The following SAMD3 variants were observed in gnomAD, a reference collection of about 807,000 sequenced individuals.
SAMD3 encodes the protein sterile alpha motif domain-containing protein 3.
A neutral mutation model predicts 58.5 loss-of-function variants in SAMD3; 63 were observed. The observed-to-expected ratio is 1.08, with a 90% CI of 0.88 to 1.33. The LOEUF (loss-of-function observed/expected upper bound fraction) is 1.33. SAMD3 is among the 40% of genes most tolerant of loss of function. The pLI is 0.00. For synonymous variants in SAMD3, 220 were observed against 210.3 expected, an observed-to-expected ratio of 1.05 and a Z score of -0.40; for missense variants, 604 against 608.4, an observed-to-expected ratio of 0.99 and a Z score of 0.08.
At chr6:130,252,130 C>T (rs1773759357) in intron 2 of SAMD3, among the ~76,000 whole-genome samples, 1 of 151,740 alleles carries the variant, frequency 6.6e-6, no homozygotes, top group South Asian at 2.1e-4. Flanking sequence ...ACATTTTGAC[C>T]CTTTCATTAT....
intron 1 of SAMD3, among the ~76,000 whole-genome samples, chr6:130,344,719 C>T (rs1276803337): frequency 6.7e-6 from 1 of 149,818 alleles, no homozygotes; most frequent in African/African-American, 2.5e-5. Context: ...GAATCCTTTG[C>T]TGCAGATGCC....
At chr6:130,145,215 G>A (rs541726772) in intron 11 of SAMD3, 125 bp downstream of exon 11, 13 of 473,372 alleles carry the variant, frequency 2.7e-5, no homozygotes, top group East Asian at 7.0e-5. Context: ...CCAAGATCAC[G>A]CCATTGTACT....
In SAMD3 at chr6:130,327,636, TTAAAG is replaced by T. The variant is rs776357087; in HGVS notation, c.-303-14548_-303-14544del. 1.2e-4 allele frequency among the ~76,000 whole-genome samples: 18 copies of T among 152,208 alleles called. 1 individual carries two copies. The highest frequency in any genetic ancestry group is 2.4e-4 in the Non-Finnish European group (16 of 68,026). On this transcript the variant is annotated intron_variant, in intron 1 of 13. Coordinates refer to the SAMD3 transcript ENST00000368134. ...TTGGCATGAAGCCTTACTAAGTTGA[TTAAAG>T]TAGAGACTCACTAAATTGACAGCTG... is the stretch of plus-strand genomic sequence containing the variant.
intron 9 of SAMD3, among the ~76,000 whole-genome samples, chr6:130,153,666 T>TATATATATATATATA (rs58896049): frequency 0.019 from 1,700 of 90,610 alleles, 41 homozygotes; most frequent in African/African-American, 0.029. Flanking sequence ...ATATATATAT[T>TATATATATATATATA]TATTTATTTA....
intron 2 of SAMD3, among the ~76,000 whole-genome samples, chr6:130,311,413 G>C (rs1583085864): frequency 2.6e-5 from 4 of 152,330 alleles, no homozygotes; most frequent in Admixed American, 2.6e-4. Context: ...CGCTGTTGCA[G>C]ACACTCTCAT....
intron 1 of SAMD3, among the ~76,000 whole-genome samples, chr6:130,350,490 A>C (rs990781067): frequency 3.3e-5 from 5 of 152,172 alleles, no homozygotes; most frequent in Admixed American, 2.6e-4. Context: ...AAAGAGAATA[A>C]AATACCTAGG....
At chr6:130,229,769 T>G (rs1194393293) in intron 2 of SAMD3, among the ~76,000 whole-genome samples, 3 of 152,204 alleles carry the variant, frequency 2.0e-5, no homozygotes, top group Non-Finnish European at 4.4e-5. Context: ...TAGCGCTTAG[T>G]GCTACGTTTG....
At chr6:130,250,116 G>A (rs1328456169) in intron 2 of SAMD3, among the ~76,000 whole-genome samples, 1 of 152,172 alleles carries the variant, frequency 6.6e-6, no homozygotes, top group Non-Finnish European at 1.5e-5. Context: ...AGCTATGGGT[G>A]TAGACTGGAA....
At chr6:130,331,918 C>T (rs1056370877) in intron 1 of SAMD3, among the ~76,000 whole-genome samples, 3 of 152,156 alleles carry the variant, frequency 2.0e-5, no homozygotes, top group African/African-American at 7.2e-5. Context: ...GTGAAGTAGG[C>T]TCTGCAATCA....
At chr6:130,162,989 G>A (rs577910796) in intron 8 of SAMD3, among the ~76,000 whole-genome samples, 2 of 152,024 alleles carry the variant, frequency 1.3e-5, no homozygotes, top group Non-Finnish European at 2.9e-5. Context: ...ATATTGCCCA[G>A]CTGGATTCTA....
chr6:130,279,950 T>G (rs936137606), intron 2 of SAMD3, among the ~76,000 whole-genome samples: 1 of 152,230 alleles, frequency 6.6e-6, no homozygotes, highest in Non-Finnish European at 1.5e-5. Flanking sequence ...TCTTTGTCTT[T>G]CAAATTTTTA....
At chr6:130,292,214 A>G (rs1775383960) in intron 2 of SAMD3, among the ~76,000 whole-genome samples, 2 of 151,638 alleles carry the variant, frequency 1.3e-5, no homozygotes, top group African/African-American at 4.8e-5. Flanking sequence ...CAGTTTCATC[A>G]GGAACTTAGA....
At chr6:130,178,385 A>AAG (rs1562401880) in intron 7 of SAMD3, among the ~76,000 whole-genome samples, 1 of 151,862 alleles carries the variant, frequency 6.6e-6, no homozygotes, top group Non-Finnish European at 1.5e-5. Flanking sequence ...GGGAAGGGAA[A>AAG]AAAAAAAAAA....
chr6:130,330,662 G>A (rs935625221), intron 1 of SAMD3, among the ~76,000 whole-genome samples: 1 of 152,198 alleles, frequency 6.6e-6, no homozygotes, highest in African/African-American at 2.4e-5. Flanking sequence ...GAACTAAGAA[G>A]CCAGGAATTT....
At chr6:130,180,169 G>A (rs867542573) in intron 7 of SAMD3, among the ~76,000 whole-genome samples, 28 of 151,476 alleles carry the variant, frequency 1.8e-4, no homozygotes, top group Admixed American at 1.6e-3. Context: ...CATCCAGGCC[G>A]GAGTGCAGTA....
chr6:130,248,981 G>A (rs1046746316), intron 2 of SAMD3, among the ~76,000 whole-genome samples: 8 of 152,078 alleles, frequency 5.3e-5, no homozygotes, highest in Non-Finnish European at 1.0e-4. Flanking sequence ...TCTGGTATGG[G>A]GCTCAATATC....
chr6:130,208,951 A>C (rs1467986014), intron 5 of SAMD3, among the ~76,000 whole-genome samples: 1 of 152,120 alleles, frequency 6.6e-6, no homozygotes, highest in Non-Finnish European at 1.5e-5. Flanking sequence ...CAAATCCTAC[A>C]TGTGGTTCTC....
At chr6:130,294,986 C>T (rs1026835944) in intron 2 of SAMD3, among the ~76,000 whole-genome samples, 3 of 139,824 alleles carry the variant, frequency 2.1e-5, no homozygotes, top group African/African-American at 5.4e-5. Context: ...TGCAACGGCA[C>T]GATCTCACCT....
At chr6:130,157,194 T>C (rs2114597984) in intron 8 of SAMD3, among the ~76,000 whole-genome samples, 1 of 152,014 alleles carries the variant, frequency 6.6e-6, no homozygotes, top group East Asian at 1.9e-4. Context: ...ATTAATTAAC[T>C]AATTAAAGAT....
Sources: gnomAD v4.1 joint callset for allele counts (sites outside exome capture counted in the v4.1 genomes callset) on GRCh38, gnomAD v4.1.1 for gene constraint, MANE v1.5 for transcripts, NCBI Gene and HGNC (gene_info 2026-07-23, HGNC 2026-07-21) for gene names.